GNAO1: variants seen among roughly 807,000 people sequenced by gnomAD.
The protein encoded by GNAO1 is G protein subunit alpha o1.
For synonymous variants in GNAO1, 164 were observed against 180.7 expected (o/e 0.91, Z 0.74); for missense variants, 166 against 478.7 (o/e 0.35, Z 6.10).
chr16:56,348,215 G>A (rs2037891270), intron 6 of GNAO1: 9 of 984,030 alleles, frequency 9.1e-6, no homozygotes, highest in Non-Finnish European at 1.1e-5. Context: ...AGTGTGATGT[G>A]TTGTCAGGGC....
intron 3 of GNAO1, among the ~76,000 whole-genome samples, chr16:56,313,026 A>G (rs2037475276): frequency 6.6e-6 from 1 of 152,216 alleles, no homozygotes; most frequent in African/African-American, 2.4e-5. Context: ...AGAATTTAGC[A>G]TCCTATTCTG....
chr16:56,228,147 A>G (rs1265230721), intron 2 of GNAO1, among the ~76,000 whole-genome samples: 1 of 152,174 alleles, frequency 6.6e-6, no homozygotes, highest in African/African-American at 2.4e-5. Flanking sequence ...GCAGAGCCGA[A>G]AAGGGAGGCC....
At chr16:56,345,299 A>T (rs1351480861) in intron 6 of GNAO1, 1 of 985,298 alleles carries the variant, frequency 1.0e-6, no homozygotes, top group East Asian at 1.1e-4. Context: ...TAGATGTGCC[A>T]TGGGAGGGAG....
intron 2 of GNAO1, among the ~76,000 whole-genome samples, chr16:56,226,775 C>A (rs1428480074): frequency 6.6e-6 from 1 of 152,174 alleles, no homozygotes; most frequent in Non-Finnish European, 1.5e-5. Flanking sequence ...GAACAATAAA[C>A]CGAGGATGCA....
At position 56,351,804 on chromosome 16, in the gene GNAO1, G is replaced by T; in HGVS notation, c.877+267G>T. 1 of 419,186 alleles carries T rather than the reference G, an allele frequency of 2.4e-6. No homozygotes were observed. The highest frequency in any genetic ancestry group is 3.9e-5 in the Admixed American group (1 of 25,790). 26.0% of individuals were successfully genotyped at this position (419,186 alleles called of 1,614,324 possible). A position where few individuals can be genotyped will look rare whatever the true frequency, so the allele number is the denominator to read the frequency against. On this transcript the variant is annotated intron_variant, in intron 7 of 8. Coordinates refer to ENST00000262493, the MANE Select transcript of GNAO1 (RefSeq NM_020988.3). This position sits in a 1 kb window ranked among gnomAD's most constrained non-coding sequence, Gnocchi z 6.1. ...CAGGAGTGGTGGGGAGCAGGGGGCA[G>T]GACAGGATCACAGGCTTCCCCCTTC...
chr16:56,204,990 C>T (rs2036314332), intron 2 of GNAO1, among the ~76,000 whole-genome samples: 1 of 152,088 alleles, frequency 6.6e-6, no homozygotes, highest in South Asian at 2.1e-4. Context: ...AGGAATTCCC[C>T]TCCTTCTCCC....
intron 4 of GNAO1, among the ~76,000 whole-genome samples, chr16:56,329,452 C>G (rs1365564893): frequency 6.6e-6 from 1 of 151,118 alleles, no homozygotes; most frequent in African/African-American, 2.4e-5. Context: ...GCTCCCGGCT[C>G]TTCCCATCAC....
Position 56,336,738 on chromosome 16 carries a change from G to T in GNAO1, c.601G>T (p.Asp201Tyr). Residue 201 changes from aspartate to tyrosine, a missense_variant, in exon 6 of 9, where the codon GAC becomes TAC. Transcript: ENST00000262493. ...TFKNLHFRLF[D>Y]VGGQRSERKK... ...GCTCCCTGCCTCCTACAGGCTGTTTGACGTCGGAGGCCAGCGATCTGAACG... is the reference window on the plus strand; with the variant it reads ...GCTCCCTGCCTCCTACAGGCTGTTTTACGTCGGAGGCCAGCGATCTGAACG... The T allele has an allele frequency of 6.2e-7, 1 of 1,610,938 alleles. No homozygotes were observed. Among genetic ancestry groups the T allele is most frequent in the South Asian group, 1.1e-5 (1 of 90,640 alleles).
At chr16:56,275,730 A>G (rs1483960328) in intron 2 of GNAO1, among the ~76,000 whole-genome samples, 3 of 152,118 alleles carry the variant, frequency 2.0e-5, no homozygotes, top group African/African-American at 7.2e-5. Context: ...AAAAGACTGC[A>G]TTTCTTTTTT....
intron 3 of GNAO1, among the ~76,000 whole-genome samples, chr16:56,310,353 A>C (rs1391378949): frequency 6.6e-6 from 1 of 152,198 alleles, no homozygotes; most frequent in African/African-American, 2.4e-5. Context: ...AGTAAATTAA[A>C]GTACAAGTTT....
chr16:56,292,256 C>T (rs567496575), intron 3 of GNAO1, among the ~76,000 whole-genome samples: 3 of 152,326 alleles, frequency 2.0e-5, no homozygotes, highest in East Asian at 1.9e-4. Flanking sequence ...CCTGTGCCCA[C>T]GTGCTGGATG....
chr16:56,264,011 G>A (rs912190269), intron 2 of GNAO1, among the ~76,000 whole-genome samples: 3 of 152,226 alleles, frequency 2.0e-5, no homozygotes, highest in Non-Finnish European at 4.4e-5. Flanking sequence ...CATGAAAAAG[G>A]CAGTGGCTGG....
intron 2 of GNAO1, among the ~76,000 whole-genome samples, chr16:56,264,109 G>T (rs1418387977): frequency 6.6e-6 from 1 of 152,252 alleles, no homozygotes; most frequent in Non-Finnish European, 1.5e-5. Flanking sequence ...CACCAAGGGG[G>T]AGCCCCAGGC....
At chr16:56,315,322 G>A (rs761590911) in intron 3 of GNAO1, among the ~76,000 whole-genome samples, 6 of 152,334 alleles carry the variant, frequency 3.9e-5, no homozygotes, top group Admixed American at 6.5e-5. Context: ...TGAGCTCTGT[G>A]TGGGTAATTT....
intron 3 of GNAO1, among the ~76,000 whole-genome samples, chr16:56,279,385 C>G (rs1179315536): frequency 1.3e-5 from 2 of 152,184 alleles, no homozygotes; most frequent in Non-Finnish European, 1.5e-5. Flanking sequence ...GCAGAGCAAA[C>G]AGCAGGGACC....
intron 4 of GNAO1, among the ~76,000 whole-genome samples, chr16:56,331,886 C>T (rs185363749): frequency 4.4e-4 from 67 of 152,328 alleles, no homozygotes; most frequent in African/African-American, 1.6e-3. Flanking sequence ...GAACCCCTGG[C>T]TCCCATCCTC....
At chr16:56,264,814 A>G (rs1361444847) in intron 2 of GNAO1, among the ~76,000 whole-genome samples, 2 of 148,700 alleles carry the variant, frequency 1.3e-5, no homozygotes, top group Non-Finnish European at 3.0e-5. Flanking sequence ...TAGTATTAAT[A>G]TAGTATATAG....
intron 3 of GNAO1, among the ~76,000 whole-genome samples, chr16:56,298,561 T>C (rs2037310189): frequency 6.6e-6 from 1 of 152,192 alleles, no homozygotes; most frequent in South Asian, 2.1e-4. Context: ...CCCATCTAGC[T>C]CATGACTGCC....
intron 6 of GNAO1, chr16:56,344,120 A>G: frequency 6.9e-7 from 1 of 1,445,998 alleles, no homozygotes; most frequent in Non-Finnish European, 9.1e-7. Context: ...CCCCCAACAG[A>G]ACTTGTGGTA....
Sources: allele counts gnomAD v4.1 joint callset (sites outside exome capture counted in the v4.1 genomes callset), GRCh38; gene constraint gnomAD v4.1.1; non-coding constraint Gnocchi (gnomAD v3.1); transcripts MANE v1.5; gene names NCBI Gene and HGNC (gene_info 2026-07-23, HGNC 2026-07-21).